Variants in SLC5A2 observed in about 807,000 individuals in gnomAD.
SLC5A2 encodes sodium/glucose cotransporter 2.
SLC5A2 carries 67 observed loss-of-function variants against 69.0 expected under a neutral mutation model. The ratio of observed to expected loss-of-function variants is 0.97; its 90% CI spans 0.80 to 1.19. The LOEUF (loss-of-function observed/expected upper bound fraction) is 1.19, where lower values mean the gene tolerates loss of function less well. Ranked by LOEUF, SLC5A2 falls within the 50% of genes most tolerant of loss-of-function variation. The probability of loss-of-function intolerance (pLI) is 0.00; values close to 1 mark genes in which losing one functional copy is unlikely to be tolerated. For synonymous variants in SLC5A2, 455 were observed against 395.8 expected, an observed-to-expected ratio of 1.15 and a Z score of -1.78; for missense variants, 1,001 against 921.5, an observed-to-expected ratio of 1.09 and a Z score of -1.12.
At chr16:31,486,491 T>A (rs1001583744) in intron 5 of SLC5A2, among the ~76,000 whole-genome samples, 1 of 152,198 alleles carries the variant, frequency 6.6e-6, no homozygotes, top group African/African-American at 2.4e-5. Flanking sequence ...AAAGCCATGC[T>A]GGGCTTGAGT....
chr16:31,490,011 G>A, intron 12 of SLC5A2, 93 bp from the exon 13 acceptor site: 2 of 1,542,884 alleles, frequency 1.3e-6, no homozygotes, highest in East Asian at 4.6e-5. Context: ...GAGGTGGGTA[G>A]GGCAGGCAGT....
Position 31,488,878 on chromosome 16 carries a change from A to C in SLC5A2, c.1281-2A>C. ...GGTTCGATCCGACGGCCTCCGCCGC[A>C]GGCTCTGGGTGGTGTTCATCGTGGT... On this transcript the variant is annotated splice_acceptor_variant, in intron 10 of 13. Coordinates refer to ENST00000330498, the MANE Select transcript of SLC5A2 (RefSeq NM_003041.4). LOFTEE classifies it high-confidence loss of function. 12 of 1,604,758 alleles carry C rather than the reference A, an allele frequency of 7.5e-6. No homozygotes were observed. The highest frequency in any genetic ancestry group is 1.0e-5 in the Non-Finnish European group (12 of 1,179,786).
intron 8 of SLC5A2, 105 bp downstream of exon 8, chr16:31,488,278 C>G (rs1305232581): frequency 1.9e-6 from 3 of 1,598,452 alleles, no homozygotes; most frequent in African/African-American, 1.3e-5. Flanking sequence ...AGTCCCGCCT[C>G]CCTCCGGGGG....
chr16:31,484,964 A>T (rs1041008264), intron 3 of SLC5A2, 41 bp downstream of exon 3: 11 of 1,549,982 alleles, frequency 7.1e-6, no homozygotes, highest in Non-Finnish European at 9.8e-6. Context: ...CCTCAGTGAG[A>T]ACACCTGGAA....
intron 1 of SLC5A2, among the ~76,000 whole-genome samples, chr16:31,483,798 G>A (rs1294515846): frequency 6.6e-6 from 1 of 151,878 alleles, no homozygotes; most frequent in Non-Finnish European, 1.5e-5. Flanking sequence ...TGTTGCCCAG[G>A]CTAGTCTTGA....
intron 12 of SLC5A2, chr16:31,489,746 G>A (rs865882582): frequency 1.3e-5 from 6 of 445,002 alleles, no homozygotes; most frequent in Non-Finnish European, 1.7e-5. Context: ...GTGGAAGGAT[G>A]GCCGGGTTTC....
rs1567390840 is a variant in SLC5A2 at position 31,488,916 on chromosome 16, C to T, written c.1317C>T (p.Ala439=). The T allele has an allele frequency of 3.7e-6, 6 of 1,605,236 alleles. No individual in the cohort carries two copies. The highest frequency in any genetic ancestry group is 5.1e-6 in the Non-Finnish European group (6 of 1,179,866). Residue 439 remains alanine (A), a synonymous_variant, in exon 11 of 14, where the codon GCC becomes GCT. Transcript: ENST00000330498. ...TGTTCATCGTGGTAGTGTCGGTGGC[C>T]TGGCTTCCCGTGGTGCAGGCGGCAC... ...WVVFIVVVSV[A]WLPVVQAAQG... is the part of the protein sequence containing the mutation.
Position 31,489,063 on chromosome 16 carries a change from C to T in SLC5A2, c.1449+15C>T, listed in dbSNP as rs770565642. 6.2e-7 allele frequency: 1 copy of T among 1,601,992 alleles called. No homozygotes were observed. Among genetic ancestry groups the T allele is most frequent in the South Asian group, 1.1e-5 (1 of 91,070 alleles). On this transcript the variant is annotated intron_variant, in intron 11 of 13. Transcript: ENST00000330498. The stretch of plus-strand genomic sequence containing the variant: ...TTAATGAGCAGGTGAGCGGCACGCG[C>T]GTGGTGACGGCAGGGCTGGGCTTGC...
In SLC5A2 at chr16:31,488,784, G is replaced by T; in HGVS notation, c.1280+12G>T. The T allele has an allele frequency of 6.2e-7, 1 of 1,600,442 alleles. No homozygotes were observed. The highest frequency in any genetic ancestry group is 1.3e-5 in the African/African-American group (1 of 74,964). On this transcript the variant is annotated intron_variant, in intron 10 of 13. Coordinates refer to ENST00000330498, the MANE Select transcript of SLC5A2 (RefSeq NM_003041.4). ...CTGCTGGTGGGACGGTGCGGCCTGG[G>T]CTCCCCTCCTCCCCAACGGATCAGC... is the stretch of plus-strand genomic sequence containing the variant.
At chr16:31,485,965 G>A (rs1320521243) in intron 4 of SLC5A2, 72 bp downstream of exon 4, 7 of 1,541,692 alleles carry the variant, frequency 4.5e-6, no homozygotes, top group Non-Finnish European at 5.4e-6. Context: ...GAGAACCCTA[G>A]AGGGCGTGAG....
At position 31,488,692 on chromosome 16, in the gene SLC5A2, C is replaced by T. The variant is rs2082523892; in HGVS notation, c.1200C>T (p.Ser400=). 1.2e-6 allele frequency: 2 copies of T among 1,612,038 alleles called. No homozygotes were observed. Among genetic ancestry groups the T allele is most frequent in the Non-Finnish European group, 1.7e-6 (2 of 1,179,378 alleles). ...CCTCGCTGGCCTCCATCTTCAACAG[C>T]AGCAGCACGCTCTTCACCATGGACA... ...LMSSLASIFN[S]SSTLFTMDIY... The change falls in exon 10 of 14, where the codon AGC becomes AGT. Residue 400 remains serine (S), a synonymous_variant. Transcript: ENST00000330498.
rs753656822 is a variant in SLC5A2 at position 31,489,161 on chromosome 16, C to G, written c.1488C>G (p.Gly496=). 2 of 1,609,780 alleles carry G rather than the reference C, an allele frequency of 1.2e-6. No individual in the cohort carries two copies. The highest frequency in any genetic ancestry group is 1.1e-5 in the South Asian group (1 of 91,082). ...GACTCATCGGGGGCCTGCTGATGGG[C>G]CTGGCACGCCTGATTCCCGAGTTCT... is the stretch of plus-strand genomic sequence containing the variant. ...FWGLIGGLLM[G]LARLIPEFSF... Residue 496 remains glycine (G), a synonymous_variant, in exon 12 of 14, where the codon GGC becomes GGG. Coordinates refer to ENST00000330498, the MANE Select transcript of SLC5A2 (RefSeq NM_003041.4).
chr16:31,489,420 C>A (rs1430514962), intron 12 of SLC5A2, 82 bp downstream of exon 12: 3 of 1,281,936 alleles, frequency 2.3e-6, no homozygotes, highest in Non-Finnish European at 3.3e-6. Flanking sequence ...CTGGGAGGAC[C>A]TGAATTTCTC....
rs774054270 is a variant in SLC5A2, at chr16:31,489,335, G to A, written c.1662G>A (p.Lys554=). The change falls in exon 12 of 14, where the codon AAG becomes AAA. Residue 554 remains lysine (K), a synonymous_variant. Transcript: ENST00000330498. ...TGTGCACCGCGCCCATCCCCAGAAAGCACGTGAGTGGCCAGGTGCCCCAGG... is the reference window on the plus strand; with the variant it reads ...TGTGCACCGCGCCCATCCCCAGAAAACACGTGAGTGGCCAGGTGCCCCAGG... ...VSLCTAPIPR[K]HLHRLVFSLR... The A allele has an allele frequency of 6.2e-7, 1 of 1,607,404 alleles. No homozygotes were observed. The highest frequency in any genetic ancestry group is 8.5e-7 in the Non-Finnish European group (1 of 1,179,866).
Position 31,488,904 on chromosome 16 carries a change from A to G in SLC5A2, c.1305A>G (p.Val435=), listed in dbSNP as rs1481614427. 6.2e-7 allele frequency: 1 copy of G among 1,605,384 alleles called. No homozygotes were observed. Among genetic ancestry groups the G allele is most frequent in the Admixed American group, 1.7e-5 (1 of 60,022 alleles). ...GGCTCTGGGTGGTGTTCATCGTGGT[A>G]GTGTCGGTGGCCTGGCTTCCCGTGG... is the stretch of plus-strand genomic sequence containing the variant. The part of the protein sequence containing the change: ...VGRLWVVFIV[V]VSVAWLPVVQ... The change falls in exon 11 of 14, where the codon GTA becomes GTG. Residue 435 remains valine (V), a synonymous_variant. Coordinates refer to ENST00000330498, the MANE Select transcript of SLC5A2 (RefSeq NM_003041.4).
At position 31,489,113 on chromosome 16, in the gene SLC5A2, T is replaced by C. The variant is rs118162329; in HGVS notation, c.1450-10T>C. 3.4e-4 allele frequency: 552 copies of C among 1,606,724 alleles called. 3 individuals carry two copies. The East Asian group carries it at 6.0e-3, about 18-fold the overall frequency. The stretch of plus-strand genomic sequence containing the variant: ...CACATCCTCAGCAGGCTGACCTGTT[T>C]CCTTCGCAGGGCGCCTTCTGGGGAC... On this transcript the variant is annotated splice_polypyrimidine_tract_variant and intron_variant, in intron 11 of 13. Coordinates refer to ENST00000330498, the MANE Select transcript of SLC5A2 (RefSeq NM_003041.4).
intron 6 of SLC5A2, 24 bp downstream of exon 6, chr16:31,487,424 G>A: frequency 6.2e-7 from 1 of 1,612,506 alleles, no homozygotes; most frequent in African/African-American, 1.3e-5. Flanking sequence ...TACCAGGGAG[G>A]GGCGCGGAGG....
chr16:31,487,592 C>A lies in SLC5A2; in HGVS notation c.718C>A (p.Leu240Met). 1 of 1,613,964 alleles carries A rather than the reference C, an allele frequency of 6.2e-7. No individual in the cohort carries two copies. The highest frequency in any genetic ancestry group is 8.5e-7 in the Non-Finnish European group (1 of 1,180,000). Residue 240 changes from leucine (L) to methionine (M), a missense_variant, in exon 7 of 14, where the codon CTG (leucine) becomes ATG (methionine). By Grantham distance (15) the Leu-to-Met change is conservative. Transcript: ENST00000330498. The stretch of plus-strand genomic sequence containing the variant: ...CAAATACCTGGGAGCAGCGACTTCG[C>A]TGACGGTGTCCGAGGATCCAGCCGT... ...FDKYLGAATS[L>M]TVSEDPAVGN...
Position 31,488,774 on chromosome 16 carries a change from T to G in SLC5A2, c.1280+2T>G. 1.9e-6 allele frequency: 3 copies of G among 1,600,906 alleles called. No homozygotes were observed. The highest frequency in any genetic ancestry group is 2.5e-6 in the Non-Finnish European group (3 of 1,177,408). The stretch of plus-strand genomic sequence containing the variant: ...CCGCGAGCTGCTGCTGGTGGGACGG[T>G]GCGGCCTGGGCTCCCCTCCTCCCCA... On this transcript the variant is annotated splice_donor_variant, in intron 10 of 13. Coordinates refer to ENST00000330498, the MANE Select transcript of SLC5A2 (RefSeq NM_003041.4). LOFTEE classifies it high-confidence loss of function.
Sources: gnomAD v4.1 joint callset for allele counts (sites outside exome capture counted in the v4.1 genomes callset) on GRCh38, gnomAD v4.1.1 for gene constraint, MANE v1.5 for transcripts, NCBI Gene and HGNC (gene_info 2026-07-23, HGNC 2026-07-21) for gene names.